Variants in DCUN1D1 observed in about 807,000 individuals in gnomAD.
DCUN1D1 encodes the protein defective in cullin neddylation 1 domain containing 1.
A neutral mutation model predicts 39.0 loss-of-function variants in DCUN1D1; 3 were observed. The ratio of observed to expected loss-of-function variants is 0.08; its 90% CI spans 0.04 to 0.20. The LOEUF (loss-of-function observed/expected upper bound fraction) is 0.20, where lower values mean the gene tolerates loss of function less well. DCUN1D1 is among the 10% of genes least tolerant of loss of function. The probability of loss-of-function intolerance (pLI) is 1.00; values close to 1 mark genes in which losing one functional copy is unlikely to be tolerated. For synonymous variants in DCUN1D1, 82 were observed against 96.3 expected (o/e 0.85, Z 0.87); for missense variants, 158 against 302.4 (o/e 0.52, Z 3.54).
chr3:182,972,810 A>T (rs1728012349), intron 1 of DCUN1D1, among the ~76,000 whole-genome samples: 4 of 152,056 alleles, frequency 2.6e-5, no homozygotes, highest in South Asian at 4.1e-4. Flanking sequence ...GGAGGCCAAG[A>T]GGGGGGCGGA....
chr3:182,949,308 G>A (rs6794978), intron 4 of DCUN1D1, among the ~76,000 whole-genome samples: 30,569 of 151,648 alleles, frequency 0.2, 5,233 homozygotes, highest in African/African-American at 0.47. Flanking sequence ...GGTTGCAGGG[G>A]GCCAAGATCA....
chr3:182,970,375 G>T (rs1255697652), intron 1 of DCUN1D1, among the ~76,000 whole-genome samples: 1 of 151,912 alleles, frequency 6.6e-6, no homozygotes, highest in Non-Finnish European at 1.5e-5. Context: ...ATTTCCCCAA[G>T]GAAAAATAAA....
intron 1 of DCUN1D1, among the ~76,000 whole-genome samples, chr3:182,977,264 T>G (rs1728282889): frequency 6.6e-6 from 1 of 152,222 alleles, no homozygotes; most frequent in African/African-American, 2.4e-5. Context: ...TTTCTTCTTG[T>G]GTAAAAATGG....
intron 1 of DCUN1D1, among the ~76,000 whole-genome samples, chr3:182,968,709 C>G (rs749889157): frequency 6.6e-6 from 1 of 152,018 alleles, no homozygotes; most frequent in Non-Finnish European, 1.5e-5. Context: ...AAGCGATTCT[C>G]CTGCCTCAGC....
At chr3:182,975,875 A>G (rs941994329) in intron 1 of DCUN1D1, among the ~76,000 whole-genome samples, 4 of 149,416 alleles carry the variant, frequency 2.7e-5, no homozygotes, top group African/African-American at 9.9e-5. Flanking sequence ...AAAAAAAAAA[A>G]GTAGTAATAA....
intron 3 of DCUN1D1, among the ~76,000 whole-genome samples, chr3:182,962,643 CT>C (rs1727458439): frequency 6.6e-6 from 1 of 152,220 alleles, no homozygotes; most frequent in Non-Finnish European, 1.5e-5. Context: ...TGTCTGTTCC[CT>C]TCCCTTACTT....
chr3:182,983,370 A>G (rs1010986808), upstream of DCUN1D1, among the ~76,000 whole-genome samples: 1 of 152,206 alleles, frequency 6.6e-6, no homozygotes, highest in Non-Finnish European at 1.5e-5. Context: ...TATTACGCCC[A>G]TCCTACAAAG....
Position 182,938,451 on chromosome 3 carries a change from GTTTTA to G in DCUN1D1, c.*6638_*6642del, listed in dbSNP as rs1348599947. ...AGTTAAGTCTAACAACAGAATTGTG[GTTTTA>G]TTTAACAGTCCTTATCTTTTAGACA... On this transcript the variant is annotated 3_prime_UTR_variant, in exon 7 of 7. Transcript: ENST00000292782. 1 of 151,786 alleles carries G rather than the reference GTTTTA, an allele frequency of 6.6e-6. No individual in the cohort carries two copies. Among genetic ancestry groups the G allele is most frequent in the Non-Finnish European group, 1.5e-5 (1 of 67,980 alleles). The allele number at this position is 151,786 out of a possible 1,614,324, so 9.4% of individuals were successfully genotyped here.
chr3:182,968,659 G>A (rs1299449386), intron 1 of DCUN1D1, among the ~76,000 whole-genome samples: 2 of 151,766 alleles, frequency 1.3e-5, no homozygotes, highest in African/African-American at 4.8e-5. Context: ...AAATGCAGTG[G>A]CACCATCTCA....
intron 6 of DCUN1D1, 51 bp downstream of exon 6, chr3:182,947,187 G>T: frequency 1.1e-6 from 1 of 942,600 alleles, no homozygotes; most frequent in Non-Finnish European, 1.7e-6. Flanking sequence ...TCAAGGGTAT[G>T]GGATAAAAAG....
chr3:182,952,600 G>C (rs1009588560), intron 4 of DCUN1D1, among the ~76,000 whole-genome samples: 6 of 151,844 alleles, frequency 4.0e-5, no homozygotes, highest in African/African-American at 1.5e-4. Context: ...TTTCTCAATG[G>C]AACACTTCTC....
chr3:182,953,994 T>G (rs1726888156), intron 4 of DCUN1D1, among the ~76,000 whole-genome samples: 1 of 152,172 alleles, frequency 6.6e-6, no homozygotes, highest in South Asian at 2.1e-4. Flanking sequence ...TCACAGTCCC[T>G]AAAAGAAACA....
Position 182,941,951 on chromosome 3 carries a change from T to C in DCUN1D1, c.*3143A>G, listed in dbSNP as rs1726154099. On this transcript the variant is annotated 3_prime_UTR_variant, in exon 7 of 7. Transcript: ENST00000292782. ...AAGTGTACATTAAGTTAGCTACTACTACTCACTTCTTGATTATCATCAAAT... is the reference window on the plus strand; with the variant it reads ...AAGTGTACATTAAGTTAGCTACTACCACTCACTTCTTGATTATCATCAAAT... 1 of 152,158 alleles carries C rather than the reference T, an allele frequency of 6.6e-6. No individual in the cohort carries two copies. The highest frequency in any genetic ancestry group is 6.5e-5 in the Admixed American group (1 of 15,278). The allele number at this position is 152,158 out of a possible 1,614,324, so 9.4% of individuals were successfully genotyped here.
chr3:182,981,513 TGTA>T (rs953516930), upstream of DCUN1D1, among the ~76,000 whole-genome samples: 2 of 152,010 alleles, frequency 1.3e-5, no homozygotes, highest in African/African-American at 4.8e-5. Context: ...CCTTCAGAAA[TGTA>T]GTATCCAGTT....
exon 1 of DCUN1D1, chr3:182,985,901 G>C (rs1728717736): frequency 6.6e-6 from 1 of 152,220 alleles, no homozygotes; most frequent in Admixed American, 6.5e-5. Context: ...GCATGGACTT[G>C]CAGTAACAGC....
At chr3:182,975,743 CAG>C (rs1364407456) in intron 1 of DCUN1D1, among the ~76,000 whole-genome samples, 1 of 145,006 alleles carries the variant, frequency 6.9e-6, no homozygotes, top group Non-Finnish European at 1.5e-5. Flanking sequence ...AGGTGAGGGT[CAG>C]GGGGAGATAA....
intron 4 of DCUN1D1, among the ~76,000 whole-genome samples, chr3:182,951,696 C>CT (rs1316828811): frequency 0.013 from 1,440 of 109,370 alleles, 37 homozygotes; most frequent in African/African-American, 0.039. Flanking sequence ...AAGATAATTT[C>CT]TTTTTTTTTT....
At chr3:182,980,466 C>T in intron 1 of DCUN1D1, 21 bp downstream of exon 1, 1 of 1,167,326 alleles carries the variant, frequency 8.6e-7, no homozygotes, top group South Asian at 2.4e-5. Flanking sequence ...GCAGGGCGGG[C>T]GGGCGGCCGC....
In DCUN1D1 at chr3:182,944,843, T is replaced by C; in HGVS notation, c.*251A>G. The C allele has an allele frequency of 2.5e-6, 1 of 400,874 alleles. No homozygotes were observed. Among genetic ancestry groups the C allele is most frequent in the East Asian group, 4.9e-5 (1 of 20,566 alleles). The allele number at this position is 400,874 out of a possible 1,614,324, so 24.8% of individuals were successfully genotyped here. ...AGAATAAACTAGGATGGTCCACAGA[T>C]ATAAGATGAAATCCACAATGTTGGA... On this transcript the variant is annotated 3_prime_UTR_variant, in exon 7 of 7. Coordinates refer to ENST00000292782, the MANE Select transcript of DCUN1D1 (RefSeq NM_020640.4).
Sources: gnomAD v4.1 joint callset for allele counts (sites outside exome capture counted in the v4.1 genomes callset) on GRCh38, gnomAD v4.1.1 for gene constraint, MANE v1.5 for transcripts, NCBI Gene and HGNC (gene_info 2026-07-23, HGNC 2026-07-21) for gene names.